Variants in UBE3C observed in about 807,000 individuals in gnomAD.
UBE3C encodes ubiquitin-protein ligase E3C.
UBE3C carries 42 observed loss-of-function variants against 129.4 expected under a neutral mutation model. The ratio of observed to expected loss-of-function variants is 0.32; its 90% CI spans 0.25 to 0.42. The LOEUF (loss-of-function observed/expected upper bound fraction) is 0.42, where lower values mean the gene tolerates loss of function less well. Among genes scored for constraint, UBE3C ranks in the 10% least tolerant of loss-of-function variants. UBE3C has a pLI of 1.00. For missense variants in UBE3C, 1,049 were observed against 1,319.1 expected (o/e 0.80, Z 3.17); for synonymous variants, 510 against 492.4 (o/e 1.04, Z -0.47).
chr7:157,161,867 T>G (rs935283566), intron 1 of UBE3C, among the ~76,000 whole-genome samples: 2 of 151,736 alleles, frequency 1.3e-5, no homozygotes, highest in African/African-American at 4.8e-5. Flanking sequence ...AGGCCAGGAG[T>G]TCGAGACCAG....
intron 1 of UBE3C, among the ~76,000 whole-genome samples, chr7:157,156,518 G>A (rs1168992730): frequency 2.6e-5 from 4 of 151,462 alleles, no homozygotes; most frequent in Non-Finnish European, 5.9e-5. Flanking sequence ...CGTTGGCTGG[G>A]CTGGTCTTGA....
At chr7:157,183,344 G>A (rs188080269) in intron 8 of UBE3C, among the ~76,000 whole-genome samples, 1 of 152,300 alleles carries the variant, frequency 6.6e-6, no homozygotes, top group East Asian at 1.9e-4. Flanking sequence ...ATTGGTAATT[G>A]ACTAAGACAG....
rs181435116 is a variant in UBE3C at position 157,174,825 on chromosome 7, G to A, written c.343-94G>A. The A allele has an allele frequency of 8.9e-4, 724 of 813,076 alleles. 2 individuals are homozygous for A. The African/African-American group carries it at 0.011, about 13-fold the overall frequency. 50.4% of individuals were successfully genotyped at this position (813,076 alleles called of 1,614,324 possible). On this transcript the variant is annotated intron_variant, in intron 4 of 22. Transcript: ENST00000348165. ...CTTTTGATTAGGTTTGATTAAATGT[G>A]CATTGCCACTAAAGGAAATTTGGGG...
intron 10 of UBE3C, among the ~76,000 whole-genome samples, chr7:157,199,076 T>A (rs1809205926): frequency 6.6e-6 from 1 of 152,112 alleles, no homozygotes; most frequent in South Asian, 2.1e-4. Context: ...CACACAAGGG[T>A]CTGGATGGAT....
intron 10 of UBE3C, among the ~76,000 whole-genome samples, chr7:157,187,272 G>A (rs1012738798): frequency 2.0e-5 from 3 of 152,112 alleles, no homozygotes; most frequent in Non-Finnish European, 4.4e-5. Flanking sequence ...AGTACCTTAT[G>A]AATGTGAGTT....
At chr7:157,260,723 A>G (rs975836349) in intron 22 of UBE3C, among the ~76,000 whole-genome samples, 3 of 152,208 alleles carry the variant, frequency 2.0e-5, no homozygotes, top group Non-Finnish European at 4.4e-5. Context: ...AGTTTGGAGG[A>G]CCTGCTCCCA....
chr7:157,224,772 G>A (rs1795829339), intron 16 of UBE3C, among the ~76,000 whole-genome samples: 1 of 97,850 alleles, frequency 1.0e-5, no homozygotes, highest in Admixed American at 1.3e-4. Flanking sequence ...CCCTGCACGT[G>A]CGTACACACA....
At chr7:157,145,442 C>G (rs1807578555) in intron 1 of UBE3C, among the ~76,000 whole-genome samples, 1 of 152,048 alleles carries the variant, frequency 6.6e-6, no homozygotes, top group African/African-American at 2.4e-5. Context: ...TGCTTGAACC[C>G]GAGAGGCAGA....
At chr7:157,204,398 C>CAAAAA (rs35298527) in intron 11 of UBE3C, among the ~76,000 whole-genome samples, 10 of 86,394 alleles carry the variant, frequency 1.2e-4, no homozygotes, top group Middle Eastern at 7.6e-3. Flanking sequence ...AACTTTGTTT[C>CAAAAA]AAAAAAAAAA....
intron 15 of UBE3C, 200 bp from the exon 16 acceptor site, chr7:157,223,054 A>G (rs948119833): frequency 1.3e-5 from 7 of 527,030 alleles, no homozygotes; most frequent in Admixed American, 3.3e-5. Flanking sequence ...CGATCAAGTT[A>G]TGTGTTCGGG....
At chr7:157,177,558 C>T (rs1313211736) in intron 5 of UBE3C, among the ~76,000 whole-genome samples, 4 of 152,232 alleles carry the variant, frequency 2.6e-5, no homozygotes, top group East Asian at 1.9e-4. Context: ...CTGCCCTTTG[C>T]GTCCCAGCGG....
intron 22 of UBE3C, 52 bp from the exon 23 acceptor site, chr7:157,267,533 A>G (rs1357153060): frequency 1.9e-5 from 31 of 1,600,996 alleles, no homozygotes; most frequent in Non-Finnish European, 2.6e-5. Flanking sequence ...ATTAAAACTC[A>G]TGTAATGCCA....
In UBE3C at chr7:157,173,704, T is replaced by C. The variant is rs573579670; in HGVS notation, c.343-1215T>C. 1.8e-4 allele frequency among the ~76,000 whole-genome samples: 28 copies of C among 152,348 alleles called. 1 individual carries two copies. In the South Asian group the frequency reaches 5.6e-3, roughly 30 times the overall value. On this transcript the variant is annotated intron_variant, in intron 4 of 22. Coordinates refer to ENST00000348165, the MANE Select transcript of UBE3C (RefSeq NM_014671.3). Reference sequence around the variant, plus strand: ...AAGTCTTCTTCCAACAGTCCTATTATATAATGTATAGTTATTTTACATCTT... The same window carrying C: ...AAGTCTTCTTCCAACAGTCCTATTACATAATGTATAGTTATTTTACATCTT...
At chr7:157,250,694 C>G (rs2116686534) in intron 19 of UBE3C, among the ~76,000 whole-genome samples, 1 of 152,266 alleles carries the variant, frequency 6.6e-6, no homozygotes, top group East Asian at 1.9e-4. Context: ...TACCATAGAG[C>G]TGAATTTTCA....
chr7:157,153,068 C>T (rs1586645846), intron 1 of UBE3C, among the ~76,000 whole-genome samples: 1 of 152,058 alleles, frequency 6.6e-6, no homozygotes, highest in African/African-American at 2.4e-5. Context: ...TGGTGGTGGG[C>T]GCCTGTAATC....
intron 10 of UBE3C, among the ~76,000 whole-genome samples, chr7:157,201,012 A>G (rs527862059): frequency 2.6e-5 from 4 of 152,300 alleles, no homozygotes; most frequent in Admixed American, 2.6e-4. Context: ...CCGTCACTAA[A>G]TATTTTACAA....
chr7:157,224,814 C>CCACT (rs1217758054), intron 16 of UBE3C, among the ~76,000 whole-genome samples: 40 of 147,796 alleles, frequency 2.7e-4, no homozygotes, highest in Middle Eastern at 6.8e-3. Context: ...TCTCTCTCTC[C>CCACT]CACTCACTCA....
At chr7:157,230,605 GA>G (rs1473914981) in intron 17 of UBE3C, among the ~76,000 whole-genome samples, 3 of 147,896 alleles carry the variant, frequency 2.0e-5, no homozygotes, top group African/African-American at 7.5e-5. Context: ...TGAGGCAGAA[GA>G]ATCACTTGAA....
chr7:157,173,766 A>T (rs952917446), intron 4 of UBE3C, among the ~76,000 whole-genome samples: 1 of 152,198 alleles, frequency 6.6e-6, no homozygotes, highest in Non-Finnish European at 1.5e-5. Context: ...AGGACGAACT[A>T]CATGTCAGAT....
Sources: gnomAD v4.1 joint callset for allele counts (sites outside exome capture counted in the v4.1 genomes callset) on GRCh38, gnomAD v4.1.1 for gene constraint, MANE v1.5 for transcripts, NCBI Gene and HGNC (gene_info 2026-07-23, HGNC 2026-07-21) for gene names.